The following CEP112 variants were observed in gnomAD, a reference collection of about 807,000 sequenced individuals.
CEP112 encodes the protein centrosomal protein of 112 kDa.
CEP112 carries 127 observed loss-of-function variants against 153.0 expected under a neutral mutation model. The ratio of observed to expected loss-of-function variants is 0.83; its 90% CI spans 0.72 to 0.96. The LOEUF is 0.96. CEP112 is among the 40% of genes least tolerant of loss of function. The pLI is 0.00. For synonymous variants in CEP112, 358 were observed against 374.4 expected, an observed-to-expected ratio of 0.96 and a Z score of 0.51; for missense variants, 1,089 against 1,101.2, an observed-to-expected ratio of 0.99 and a Z score of 0.16.
chr17:65,867,746 T>C (rs1414961040), intron 20 of CEP112, among the ~76,000 whole-genome samples: 4 of 152,180 alleles, frequency 2.6e-5, no homozygotes, highest in Non-Finnish European at 4.4e-5. Context: ...TTTATTACTA[T>C]GTATTTCCCA....
intron 17 of CEP112, among the ~76,000 whole-genome samples, chr17:65,991,983 T>A (rs944546927): frequency 6.6e-6 from 1 of 151,710 alleles, no homozygotes; most frequent in African/African-American, 2.4e-5. Context: ...CTGCTTTTAA[T>A]ACAACTTCAT....
chr17:65,981,913 T>A (rs2145146590), intron 17 of CEP112, among the ~76,000 whole-genome samples: 1 of 152,302 alleles, frequency 6.6e-6, no homozygotes, highest in African/African-American at 2.4e-5. Context: ...TAAAAAAATT[T>A]AAAATAAATA....
intron 17 of CEP112, among the ~76,000 whole-genome samples, chr17:66,000,901 T>C (rs116295519): frequency 2.6e-4 from 40 of 152,326 alleles, no homozygotes; most frequent in African/African-American, 9.4e-4. Context: ...GATGCAGCTA[T>C]CTGGCATGGG....
At chr17:65,911,864 C>T (rs1310839386) in intron 19 of CEP112, among the ~76,000 whole-genome samples, 1 of 152,114 alleles carries the variant, frequency 6.6e-6, no homozygotes, top group Admixed American at 6.6e-5. Flanking sequence ...GAATAATGCT[C>T]ACCTAAGATT....
chr17:66,103,041 T>C lies in CEP112; in HGVS notation c.643-6409A>G, dbSNP rs141386794. On this transcript the variant is annotated intron_variant, in intron 6 of 26. Transcript: ENST00000535342. The stretch of plus-strand genomic sequence containing the variant: ...CAGTTCGAGACCAGACTGGCTAACA[T>C]GGTGAAACCCTGTTTCTCCTAAAAA... Among the ~76,000 whole-genome samples the C allele has an allele frequency of 9.5e-3, 1,430 of 151,232 alleles. 20 individuals are homozygous for C. Among genetic ancestry groups the C allele is most frequent in the African/African-American group, 0.032 (1,308 of 41,212 alleles).
intron 6 of CEP112, among the ~76,000 whole-genome samples, chr17:66,128,306 A>AG (rs2069952852): frequency 6.7e-6 from 1 of 150,332 alleles, no homozygotes; most frequent in African/African-American, 2.4e-5. Context: ...CTGTCTCAAA[A>AG]AAAAAAAAAA....
At chr17:66,096,663 AT>A in intron 6 of CEP112, 31 bp from the exon 7 acceptor site, 1 of 1,378,348 alleles carries the variant, frequency 7.3e-7, no homozygotes, top group Non-Finnish European at 1.0e-6. Context: ...CAAAATAAGG[AT>A]TTATTAATTT....
At chr17:66,142,334 G>A (rs2070736875) in intron 4 of CEP112, among the ~76,000 whole-genome samples, 1 of 152,092 alleles carries the variant, frequency 6.6e-6, no homozygotes, top group Non-Finnish European at 1.5e-5. Context: ...ATTGTTTGCT[G>A]TGCAGGAGAT....
chr17:65,917,154 G>C (rs777295366), intron 19 of CEP112, among the ~76,000 whole-genome samples: 1 of 152,138 alleles, frequency 6.6e-6, no homozygotes, highest in Non-Finnish European at 1.5e-5. Flanking sequence ...CCTGAATTTG[G>C]TGCTTATTCA....
At chr17:66,164,224 T>C (rs1448364467) in intron 4 of CEP112, among the ~76,000 whole-genome samples, 1 of 152,202 alleles carries the variant, frequency 6.6e-6, no homozygotes, top group Non-Finnish European at 1.5e-5. Flanking sequence ...CAAGGTTAAG[T>C]GTCTATCAGC....
At chr17:66,151,678 TGA>T (rs2071216639) in intron 4 of CEP112, among the ~76,000 whole-genome samples, 1 of 152,140 alleles carries the variant, frequency 6.6e-6, no homozygotes, top group Non-Finnish European at 1.5e-5. Context: ...AGGAAAAAAC[TGA>T]GAGAAACTTT....
intron 21 of CEP112, among the ~76,000 whole-genome samples, chr17:65,755,818 T>G (rs1236805029): frequency 2.0e-5 from 3 of 152,214 alleles, no homozygotes; most frequent in Middle Eastern, 3.4e-3. Flanking sequence ...AAGTTTGTAC[T>G]TATTAAACTT....
chr17:65,694,063 A>G (rs1567874028), intron 23 of CEP112, among the ~76,000 whole-genome samples: 1 of 152,208 alleles, frequency 6.6e-6, no homozygotes, highest in Non-Finnish European at 1.5e-5. Context: ...TACAGCAACC[A>G]GAGCTCACTA....
chr17:66,012,557 C>T (rs1475895649), intron 16 of CEP112, among the ~76,000 whole-genome samples: 1 of 152,140 alleles, frequency 6.6e-6, no homozygotes, highest in Admixed American at 6.5e-5. Flanking sequence ...ATATAGGCCC[C>T]CAATGTCTTC....
chr17:65,922,106 G>GT, intron 19 of CEP112, among the ~76,000 whole-genome samples: 1 of 152,148 alleles, frequency 6.6e-6, no homozygotes, highest in East Asian at 1.9e-4. Flanking sequence ...ATGTATAAAA[G>GT]TACCAATTTC....
chr17:65,714,543 C>T (rs1300249005), intron 23 of CEP112, among the ~76,000 whole-genome samples: 2 of 152,122 alleles, frequency 1.3e-5, no homozygotes, highest in Non-Finnish European at 2.9e-5. Context: ...GACCTAGCAT[C>T]GCTTTCCCCA....
chr17:66,132,206 C>CAAAAAA (rs2070214653), intron 5 of CEP112, among the ~76,000 whole-genome samples: 1 of 80,186 alleles, frequency 1.2e-5, no homozygotes, highest in Non-Finnish European at 2.3e-5. Flanking sequence ...AAAAAAAAAG[C>CAAAAAA]TAACTGGAGT....
chr17:65,828,759 T>C (rs768927928), intron 21 of CEP112, among the ~76,000 whole-genome samples: 2 of 152,110 alleles, frequency 1.3e-5, no homozygotes, highest in Non-Finnish European at 2.9e-5. Flanking sequence ...ATCTTTGCAC[T>C]CCTGGAATAA....
At chr17:66,150,924 T>C (rs915814371) in intron 4 of CEP112, among the ~76,000 whole-genome samples, 2 of 152,236 alleles carry the variant, frequency 1.3e-5, no homozygotes, top group African/African-American at 4.8e-5. Context: ...GAATAGACTC[T>C]TTACCATTAC....
Sources: gnomAD v4.1 joint callset for allele counts (sites outside exome capture counted in the v4.1 genomes callset) on GRCh38, gnomAD v4.1.1 for gene constraint, MANE v1.5 for transcripts, NCBI Gene and HGNC (gene_info 2026-07-23, HGNC 2026-07-21) for gene names.